The following RP1L1 variants were observed in gnomAD, a reference collection of about 807,000 sequenced individuals.
RP1L1 encodes retinitis pigmentosa 1-like 1 protein.
A neutral mutation model predicts 15.7 loss-of-function variants in RP1L1; 27 were observed. The ratio of observed to expected loss-of-function variants is 1.72; its 90% CI spans 1.27 to 2.38. The LOEUF (loss-of-function observed/expected upper bound fraction) is 2.38. RP1L1 is among the 30% of genes most tolerant of loss of function. The probability of loss-of-function intolerance (pLI) is 0.00; values close to 1 mark genes in which losing one functional copy is unlikely to be tolerated. For synonymous variants in RP1L1, 1,813 were observed against 1,276.7 expected (o/e 1.42, Z -8.96); for missense variants, 4,798 against 3,075.9 (o/e 1.56, Z -13.24).
At position 10,611,666 on chromosome 8, in the gene RP1L1, C is replaced by A; in HGVS notation, c.2432G>T (p.Gly811Val). 6.2e-7 allele frequency: 1 copy of A among 1,613,280 alleles called. No homozygotes were observed. The highest frequency in any genetic ancestry group is 8.5e-7 in the Non-Finnish European group (1 of 1,179,976). The change falls in exon 4 of 4, where the codon GGA (glycine) becomes GTA (valine). Residue 811 changes from glycine (G) to valine (V), a missense_variant. By Grantham distance (109) the Gly-to-Val change is moderately radical. Transcript: ENST00000382483. ...GCCCACCGCCCCTTGCTCAGGCCGT[C>A]CAACCTGCAGAACCAAGGGTGAGGA... is the stretch of plus-strand genomic sequence containing the variant. ...QPSSPLVLQV[G>V]RPEQGAVGPH...
chr8:10,610,269 C>A lies in RP1L1; in HGVS notation c.3829G>T (p.Glu1277Ter). ...GCCCTCTGCTCCTCACTGTCTCTTT[C>A]TGCTTCATCCTCATTGGTGGCACAA... ...CACATNEDEA[E>*]RDSEEQRASS... Residue 1277 changes from glutamate (E) to a stop codon, truncating the protein, a stop_gained, in exon 4 of 4, where the codon GAA becomes TAA. Transcript: ENST00000382483. LOFTEE classifies it low-confidence loss of function (END_TRUNC). 6.2e-7 allele frequency: 1 copy of A among 1,614,216 alleles called. No homozygotes were observed. The highest frequency in any genetic ancestry group is 8.5e-7 in the Non-Finnish European group (1 of 1,180,048).
At position 10,611,778 on chromosome 8, in the gene RP1L1, C is replaced by T. The variant is rs1190710996; in HGVS notation, c.2320G>A (p.Ala774Thr). 3.1e-6 allele frequency: 5 copies of T among 1,613,474 alleles called. No individual in the cohort carries two copies. Among genetic ancestry groups the T allele is most frequent in the Non-Finnish European group, 4.2e-6 (5 of 1,180,006 alleles). Reference protein sequence around the residue: ...GDAGSRTCSPAPIPPHTSDSC... With the variant: ...GDAGSRTCSPTPIPPHTSDSC... ...TCGGATGTGTGGGGAGGTATGGGGGCCGGCGAGCATGTCCTGGACCCCGCG... is the reference window on the plus strand; with the variant it reads ...TCGGATGTGTGGGGAGGTATGGGGGTCGGCGAGCATGTCCTGGACCCCGCG... The change falls in exon 4 of 4, where the codon GCC (alanine) becomes ACC (threonine). Residue 774 changes from alanine to threonine, a missense_variant. Physicochemically the swap from Ala to Thr is moderately conservative, Grantham distance 58. Transcript: ENST00000382483.
Position 10,610,185 on chromosome 8 carries a change from C to A in RP1L1, c.3913G>T (p.Glu1305Ter), listed in dbSNP as rs367556246. Reference sequence around the variant, plus strand: ...TCTCCTTCTGTTCCTTCTTTAGTTTCCTCTAATTGCACCTCTTCTTGCACT... The same window carrying A: ...TCTCCTTCTGTTCCTTCTTTAGTTTACTCTAATTGCACCTCTTCTTGCACT... ...NTVQEEVQLE[E>*]TKEGTEGEGL... is the part of the protein sequence containing the mutation. Residue 1305 changes from glutamate (E) to a stop codon, truncating the protein, a stop_gained, in exon 4 of 4, where the codon GAA (glutamate) becomes TAA (stop). Transcript: ENST00000382483. LOFTEE classifies it low-confidence loss of function (END_TRUNC). 1 of 1,311,146 alleles carries A rather than the reference C, an allele frequency of 7.6e-7. No individual in the cohort carries two copies. Among genetic ancestry groups the A allele is most frequent in the Non-Finnish European group, 1.0e-6 (1 of 990,210 alleles). The allele number at this position is 1,311,146 out of a possible 1,614,324, so 81.2% of individuals were successfully genotyped here.
rs1797710172 is a variant in RP1L1, at chr8:10,606,831, G to A, written c.*64C>T. ...AGTGGACTGAACGTTGCTCAGTTTTGTAGAAAAAATATGAATAAAAACAGA... is the reference window on the plus strand; with the variant it reads ...AGTGGACTGAACGTTGCTCAGTTTTATAGAAAAAATATGAATAAAAACAGA... On this transcript the variant is annotated 3_prime_UTR_variant, in exon 4 of 4. Coordinates refer to ENST00000382483, the MANE Select transcript of RP1L1 (RefSeq NM_178857.6). 1.2e-6 allele frequency: 2 copies of A among 1,608,798 alleles called. No homozygotes were observed. Among genetic ancestry groups the A allele is most frequent in the Admixed American group, 1.7e-5 (1 of 59,962 alleles).
chr8:10,640,045 T>TA (rs1462081790), intron 1 of RP1L1, among the ~76,000 whole-genome samples: 1 of 152,228 alleles, frequency 6.6e-6, no homozygotes, highest in East Asian at 1.9e-4. Flanking sequence ...TACTTTGTTT[T>TA]AAAAACAAAA....
rs774379280 is a variant in RP1L1, at chr8:10,616,576, C to A, written c.621G>T (p.Leu207=). The change falls in exon 3 of 4, where the codon CTG becomes CTT. Residue 207 remains leucine (L), a synonymous_variant. Transcript: ENST00000382483. Reference sequence around the variant, plus strand: ...CAGAGGGGCTGTGCAGCAGGGCCTGCAGCGAGTCCACCTGAGGGAGGAGCG... The same window carrying A: ...CAGAGGGGCTGTGCAGCAGGGCCTGAAGCGAGTCCACCTGAGGGAGGAGCG... ...YTTSGKKVDS[L]QALLHSPSVL... 2 of 1,612,442 alleles carry A rather than the reference C, an allele frequency of 1.2e-6. No homozygotes were observed. The highest frequency in any genetic ancestry group is 1.7e-6 in the Non-Finnish European group (2 of 1,179,812).
chr8:10,619,746 G>A (rs1171896124), intron 2 of RP1L1, among the ~76,000 whole-genome samples: 1 of 151,764 alleles, frequency 6.6e-6, no homozygotes, highest in African/African-American at 2.4e-5. Flanking sequence ...GGCCAACATG[G>A]TGAAACCGCA....
chr8:10,612,753 T>C lies in RP1L1; in HGVS notation c.1345A>G (p.Ser449Gly). The change falls in exon 4 of 4, where the codon AGC becomes GGC. Residue 449 changes from serine (S) to glycine (G), a missense_variant. Coordinates refer to ENST00000382483, the MANE Select transcript of RP1L1 (RefSeq NM_178857.6). The part of the protein sequence containing the change: ...GHGTAGRERC[S>G]QDSASPASST... Reference sequence around the variant, plus strand: ...GAGGCTGGGCTGGCACTGTCCTGGCTGCATCTCTCCCTCCCGGCAGTCCCG... The same window carrying C: ...GAGGCTGGGCTGGCACTGTCCTGGCCGCATCTCTCCCTCCCGGCAGTCCCG... 6.2e-7 allele frequency: 1 copy of C among 1,608,468 alleles called. No homozygotes were observed. The highest frequency in any genetic ancestry group is 8.5e-7 in the Non-Finnish European group (1 of 1,179,874).
intron 1 of RP1L1, among the ~76,000 whole-genome samples, chr8:10,636,090 G>T (rs568711170): frequency 9.8e-5 from 15 of 152,348 alleles, no homozygotes; most frequent in Non-Finnish European, 1.9e-4. Context: ...GTGTGGATGA[G>T]TTGCTTCACC....
chr8:10,643,434 C>A (rs114685844), intron 1 of RP1L1, among the ~76,000 whole-genome samples: 2,480 of 152,302 alleles, frequency 0.016, 56 homozygotes, highest in African/African-American at 0.057. Context: ...AGTGTTAGTT[C>A]TTCCCCTTCT....
Position 10,609,250 on chromosome 8 carries a change from G to A in RP1L1, c.4848C>T (p.Leu1616=). 1 of 1,609,204 alleles carries A rather than the reference G, an allele frequency of 6.2e-7. No individual in the cohort carries two copies. Among genetic ancestry groups the A allele is most frequent in the Non-Finnish European group, 8.5e-7 (1 of 1,179,748 alleles). ...RRHRLRGLRN[L]SAFSERTLGL... ...CCAGGGTCCGCTCAGAGAAGGCCGAGAGGTTTCGCAGGCCCCGGAGACGGT... is the reference window on the plus strand; with the variant it reads ...CCAGGGTCCGCTCAGAGAAGGCCGAAAGGTTTCGCAGGCCCCGGAGACGGT... Residue 1616 remains leucine, a synonymous_variant, in exon 4 of 4, where the codon CTC becomes CTT. Coordinates refer to ENST00000382483, the MANE Select transcript of RP1L1 (RefSeq NM_178857.6).
At chr8:10,633,837 A>C (rs570078948) in intron 1 of RP1L1, among the ~76,000 whole-genome samples, 3 of 152,280 alleles carry the variant, frequency 2.0e-5, no homozygotes, top group East Asian at 1.9e-4. Context: ...TAATCTCCAC[A>C]TAGTTCCATG....
intron 1 of RP1L1, among the ~76,000 whole-genome samples, chr8:10,637,748 T>G (rs149004200): frequency 2.0e-4 from 30 of 152,148 alleles, no homozygotes; most frequent in African/African-American, 7.2e-4. Context: ...TGCATAGGAG[T>G]TTATTTCCCT....
In RP1L1 at chr8:10,612,162, T is replaced by A. The variant is rs1284143180; in HGVS notation, c.1936A>T (p.Ser646Cys). 1 of 1,613,476 alleles carries A rather than the reference T, an allele frequency of 6.2e-7. No individual in the cohort carries two copies. Among genetic ancestry groups the A allele is most frequent in the East Asian group, 2.2e-5 (1 of 44,870 alleles). The change falls in exon 4 of 4, where the codon AGT (serine) becomes TGT (cysteine). Residue 646 changes from serine (S) to cysteine (C), a missense_variant. Ser to Cys is a moderately radical substitution (Grantham distance 112). Transcript: ENST00000382483. ...QGQRRHRSRA[S>C]AMSSPSSPGL... ...GGGCTGCTGGGTGAGGACATTGCAC[T>A]GGCCCGGCTTCTGTGCCTTCTCTGC...
Position 10,611,449 on chromosome 8 carries a change from C to A in RP1L1, c.2649G>T (p.Gly883=), listed in dbSNP as rs779850678. The A allele has an allele frequency of 4.5e-6, 7 of 1,570,836 alleles. No individual in the cohort carries two copies. The African/African-American group carries it at 9.4e-5, about 21-fold the overall frequency. ...TGSSHQSTAR[G]PGGSPQEGTR... ...TCCCCTCCTGCGGGCTCCCACCTGG[C>A]CCCCGGGCAGTGCTTTGGTGGCTGC... Residue 883 remains glycine, a synonymous_variant, in exon 4 of 4, where the codon GGG becomes GGT. Transcript: ENST00000382483.
chr8:10,611,389 G>A lies in RP1L1; in HGVS notation c.2709C>T (p.Pro903=), dbSNP rs766580032. The A allele has an allele frequency of 2.5e-6, 4 of 1,606,758 alleles. No individual in the cohort carries two copies. Among genetic ancestry groups the A allele is most frequent in the Non-Finnish European group, 2.5e-6 (3 of 1,178,106 alleles). ...TGCTTCTCCTTGATGCCCCTGAATT[G>A]GGGCCTGGGGACGGCGTGGGGCCTG... ...RQPGPTPSPG[P]NSGASRRSSA... The change falls in exon 4 of 4, where the codon CCC becomes CCT. Residue 903 remains proline, a synonymous_variant. Transcript: ENST00000382483.
At chr8:10,620,039 G>C (rs1314922176) in intron 2 of RP1L1, among the ~76,000 whole-genome samples, 1 of 151,594 alleles carries the variant, frequency 6.6e-6, no homozygotes, top group African/African-American at 2.4e-5. Context: ...AGTGATATGT[G>C]CTCTGAAATG....
Position 10,645,918 on chromosome 8 carries a change from T to C in RP1L1, c.-20+8980A>G, listed in dbSNP as rs544474905. 1.1e-4 allele frequency among the ~76,000 whole-genome samples: 17 copies of C among 152,278 alleles called. No homozygotes were observed. The East Asian group carries it at 2.5e-3, about 22-fold the overall frequency. On this transcript the variant is annotated intron_variant, in intron 1 of 3. Transcript: ENST00000382483. ...TTGCTGCACCTGGCCTTTCTCCTCT[T>C]CCCTCTTGTCTGGGCCCTACAGAGA...
chr8:10,631,202 A>AAC (rs147917321), intron 1 of RP1L1, among the ~76,000 whole-genome samples: 66,909 of 150,068 alleles, frequency 0.45, 15,780 homozygotes, highest in East Asian at 0.84. Context: ...CACCTGCAAA[A>AAC]ACACACACAC....
Sources: gnomAD v4.1 joint callset for allele counts (sites outside exome capture counted in the v4.1 genomes callset) on GRCh38, gnomAD v4.1.1 for gene constraint, MANE v1.5 for transcripts, NCBI Gene and HGNC (gene_info 2026-07-23, HGNC 2026-07-21) for gene names.